TSPAN9: variants seen among roughly 807,000 people sequenced by gnomAD.
TSPAN9 encodes tetraspanin 9, also known as tetraspanin-9.
Under a neutral mutation model 31.0 loss-of-function variants are expected in TSPAN9, and 16 were observed. The ratio of observed to expected loss-of-function variants is 0.52; its 90% CI spans 0.35 to 0.78. The LOEUF (loss-of-function observed/expected upper bound fraction) is 0.78. Among genes scored for constraint, TSPAN9 ranks in the 30% least tolerant of loss-of-function variants. TSPAN9 has a pLI of 0.01. For synonymous variants in TSPAN9, 145 were observed against 121.6 expected (o/e 1.19, Z -1.27); for missense variants, 272 against 312.5 (o/e 0.87, Z 0.98).
At chr12:3,088,039 G>A (rs558331878) in intron 2 of TSPAN9, among the ~76,000 whole-genome samples, 1 of 152,318 alleles carries the variant, frequency 6.6e-6, no homozygotes, top group African/African-American at 2.4e-5. Context: ...CCCGTCTCAG[G>A]GCCAGGCTCT....
At chr12:3,216,061 G>A (rs1016874349) in intron 3 of TSPAN9, among the ~76,000 whole-genome samples, 1 of 152,166 alleles carries the variant, frequency 6.6e-6, no homozygotes, top group African/African-American at 2.4e-5. Flanking sequence ...CTTCTCAGTC[G>A]CTCTGGCCTC....
chr12:3,185,686 G>A (rs1329172295), intron 2 of TSPAN9, among the ~76,000 whole-genome samples: 1 of 152,242 alleles, frequency 6.6e-6, no homozygotes, highest in African/African-American at 2.4e-5. Context: ...TGAGCTGGCC[G>A]CTGGGCATGT....
At chr12:3,094,491 T>G (rs1051275563) in intron 2 of TSPAN9, among the ~76,000 whole-genome samples, 1 of 152,114 alleles carries the variant, frequency 6.6e-6, no homozygotes, top group Non-Finnish European at 1.5e-5. Flanking sequence ...AATATCTGTT[T>G]TTTTGGGTGG....
intron 2 of TSPAN9, among the ~76,000 whole-genome samples, chr12:3,166,209 A>G (rs907614779): frequency 6.6e-6 from 1 of 152,212 alleles, no homozygotes; most frequent in African/African-American, 2.4e-5. Flanking sequence ...AGCCTAATGT[A>G]TATTGTAATA....
At chr12:3,218,330 G>A (rs116710358) in intron 3 of TSPAN9, among the ~76,000 whole-genome samples, 2,097 of 152,322 alleles carry the variant, frequency 0.014, 56 homozygotes, top group African/African-American at 0.047. Context: ...GAGGAAAGAG[G>A]AGGAGGCGTG....
chr12:3,155,649 A>G (rs2153968961), intron 2 of TSPAN9, among the ~76,000 whole-genome samples: 1 of 152,118 alleles, frequency 6.6e-6, no homozygotes, highest in South Asian at 2.1e-4. Flanking sequence ...TTCCTTTTCT[A>G]GTCCCTTTGG....
intron 2 of TSPAN9, among the ~76,000 whole-genome samples, chr12:3,105,774 A>ACACACACG (rs1555141410): frequency 1.5e-5 from 2 of 136,980 alleles, no homozygotes; most frequent in Non-Finnish European, 3.2e-5. Context: ...ACGCGCACGC[A>ACACACACG]CACACGCTCA....
intron 2 of TSPAN9, chr12:3,200,836 G>C: frequency 9.2e-6 from 2 of 218,178 alleles, no homozygotes; most frequent in South Asian, 8.0e-5. Flanking sequence ...CCCCCCCGCA[G>C]CCCGCGCCCG....
intron 2 of TSPAN9, among the ~76,000 whole-genome samples, chr12:3,177,548 T>C (rs1012195228): frequency 1.2e-4 from 18 of 152,194 alleles, no homozygotes. Context: ...TTCTCCTGCC[T>C]CAGCCTCCCA....
At position 3,130,985 on chromosome 12, in the gene TSPAN9, C is replaced by T. The variant is rs961166640; in HGVS notation, c.-18+47266C>T. On this transcript the variant is annotated intron_variant, in intron 2 of 8. Coordinates refer to ENST00000011898, the MANE Select transcript of TSPAN9 (RefSeq NM_006675.5). Reference sequence around the variant, plus strand: ...ATTTCAAGGGCAGAACCTTCAAGGTCGTTGGGGCCAGTGCCCGTGTGGTAT... The same window carrying T: ...ATTTCAAGGGCAGAACCTTCAAGGTTGTTGGGGCCAGTGCCCGTGTGGTAT... Among the ~76,000 whole-genome samples the T allele has an allele frequency of 3.3e-5, 5 of 152,234 alleles. No homozygotes were observed. In the South Asian group the frequency reaches 6.2e-4, roughly 19 times the overall value.
intron 2 of TSPAN9, among the ~76,000 whole-genome samples, chr12:3,084,853 G>C (rs2098299627): frequency 6.6e-6 from 1 of 152,244 alleles, no homozygotes; most frequent in African/African-American, 2.4e-5. Context: ...TTCTAATGCA[G>C]ACCTGCGGCT....
At chr12:3,079,712 T>G (rs1281775877) in intron 1 of TSPAN9, among the ~76,000 whole-genome samples, 1 of 152,114 alleles carries the variant, frequency 6.6e-6, no homozygotes, top group Admixed American at 6.6e-5. Flanking sequence ...TCCGCCTGCC[T>G]TGGCCTCCCA....
intron 3 of TSPAN9, among the ~76,000 whole-genome samples, chr12:3,224,593 CCG>C (rs1007930341): frequency 5.3e-5 from 8 of 152,188 alleles, no homozygotes; most frequent in African/African-American, 1.7e-4. Flanking sequence ...GACCCCTGGA[CCG>C]TGTATCTGGG....
chr12:3,110,000 G>A (rs2098317598), intron 2 of TSPAN9, among the ~76,000 whole-genome samples: 1 of 152,068 alleles, frequency 6.6e-6, no homozygotes, highest in Non-Finnish European at 1.5e-5. Context: ...GCAGCACCAG[G>A]AGGGGCTGAA....
intron 2 of TSPAN9, among the ~76,000 whole-genome samples, chr12:3,158,721 C>CAAAAAAAAA (rs765787475): frequency 6.9e-5 from 4 of 57,892 alleles, no homozygotes; most frequent in East Asian, 6.3e-4. Context: ...GACTCTGTCT[C>CAAAAAAAAA]AAAAAAAAAA....
chr12:3,150,787 C>T (rs1433676501), intron 2 of TSPAN9, among the ~76,000 whole-genome samples: 6 of 152,152 alleles, frequency 3.9e-5, no homozygotes, highest in African/African-American at 4.8e-5. Flanking sequence ...CTTCACCCCA[C>T]GCCTGGCCTG....
At chr12:3,137,651 C>G (rs1229582492) in intron 2 of TSPAN9, among the ~76,000 whole-genome samples, 1 of 152,288 alleles carries the variant, frequency 6.6e-6, no homozygotes, top group Admixed American at 6.5e-5. Context: ...TCCCCCACCC[C>G]CTGCTCCAGC....
At chr12:3,233,945 G>T (rs1465864948) in intron 3 of TSPAN9, among the ~76,000 whole-genome samples, 2 of 152,198 alleles carry the variant, frequency 1.3e-5, no homozygotes, top group African/African-American at 2.4e-5. Context: ...CAAGAGCCAG[G>T]TTCCTTCCAG....
intron 3 of TSPAN9, among the ~76,000 whole-genome samples, chr12:3,273,690 C>A (rs1234555816): frequency 6.6e-6 from 1 of 152,188 alleles, no homozygotes; most frequent in Non-Finnish European, 1.5e-5. Flanking sequence ...AGGCGGCTCC[C>A]CTGCCCTGCA....
Sources: gnomAD v4.1 joint callset for allele counts (sites outside exome capture counted in the v4.1 genomes callset) on GRCh38, gnomAD v4.1.1 for gene constraint, MANE v1.5 for transcripts, NCBI Gene and HGNC (gene_info 2026-07-23, HGNC 2026-07-21) for gene names.